WASL: variants seen among roughly 807,000 people sequenced by gnomAD.
WASL encodes the protein actin nucleation-promoting factor WASL.
In WASL, 20 loss-of-function variants were observed where a neutral mutation model predicts 55.5. The ratio of observed to expected loss-of-function variants is 0.36; its 90% CI spans 0.25 to 0.52. WASL has a LOEUF of 0.52. Among genes scored for constraint, WASL ranks in the 20% least tolerant of loss-of-function variants. The pLI is 0.92. For synonymous variants in WASL, 249 were observed against 217.6 expected (o/e 1.14, Z -1.27); for missense variants, 504 against 622.5 (o/e 0.81, Z 2.03).
intron 1 of WASL, among the ~76,000 whole-genome samples, chr7:123,724,354 CATA>C (rs1219780129): frequency 6.6e-6 from 1 of 152,172 alleles, no homozygotes; most frequent in South Asian, 2.1e-4. Flanking sequence ...TCTGCTGAAA[CATA>C]ATGTTGAAAA....
At chr7:123,715,274 G>A (rs751351505) in intron 1 of WASL, among the ~76,000 whole-genome samples, 20 of 152,158 alleles carry the variant, frequency 1.3e-4, no homozygotes, top group Non-Finnish European at 2.6e-4. Context: ...CTTGTAGCTT[G>A]CCCTTTTGGA....
intron 5 of WASL, 148 bp downstream of exon 5, chr7:123,704,486 A>G: frequency 1.8e-6 from 1 of 561,542 alleles, no homozygotes; most frequent in African/African-American, 2.0e-5. Context: ...CATAGATACT[A>G]AACATTACTT....
At chr7:123,740,222 T>A (rs987535844) in intron 1 of WASL, among the ~76,000 whole-genome samples, 1 of 151,356 alleles carries the variant, frequency 6.6e-6, no homozygotes, top group Admixed American at 6.6e-5. Flanking sequence ...TTATCTTTTA[T>A]ATATATATCT....
intron 1 of WASL, among the ~76,000 whole-genome samples, chr7:123,716,714 T>C (rs1302984883): frequency 6.6e-6 from 1 of 152,038 alleles, no homozygotes; most frequent in Non-Finnish European, 1.5e-5. Context: ...ATTTTTGTTT[T>C]TTAACTTTGC....
chr7:123,700,044 C>T (rs768088244), intron 5 of WASL, among the ~76,000 whole-genome samples: 33 of 151,498 alleles, frequency 2.2e-4, no homozygotes, highest in Admixed American at 4.6e-4. Context: ...GGCATGGTGG[C>T]GCGCGCCTGT....
intron 8 of WASL, among the ~76,000 whole-genome samples, chr7:123,694,368 A>C (rs574171305): frequency 2.6e-4 from 40 of 152,282 alleles, no homozygotes; most frequent in African/African-American, 9.1e-4. Context: ...ACTAATTAGA[A>C]AGTGATTATA....
chr7:123,740,564 CATCATTTTGTTCAAT>C (rs1387031783), intron 1 of WASL, among the ~76,000 whole-genome samples: 2 of 152,052 alleles, frequency 1.3e-5, no homozygotes, highest in African/African-American at 4.8e-5. Flanking sequence ...TTTTGTTCAA[CATCATTTTGTTCAAT>C]GTCCTTTCAT....
At chr7:123,687,377 G>GTA (rs1803310362) in intron 10 of WASL, among the ~76,000 whole-genome samples, 1 of 152,042 alleles carries the variant, frequency 6.6e-6, no homozygotes, top group African/African-American at 2.4e-5. Context: ...ACTACTTCTT[G>GTA]TATTTCATTC....
At chr7:123,739,049 C>T (rs770408538) in intron 1 of WASL, among the ~76,000 whole-genome samples, 3 of 152,176 alleles carry the variant, frequency 2.0e-5, no homozygotes, top group Admixed American at 6.5e-5. Flanking sequence ...ATGTGCTGAA[C>T]TAATAAATAA....
rs1803734589 is a variant in WASL, at chr7:123,710,297, A to G, written c.118-1074T>C. On this transcript the variant is annotated intron_variant, in intron 1 of 10. Coordinates refer to ENST00000223023, the MANE Select transcript of WASL (RefSeq NM_003941.4). ...ATTTTAATATAAATATAAAAATAAA[A>G]TATTTCATATAAATATATATTTTTT... Among the ~76,000 whole-genome samples, 2 of 150,618 alleles carry G rather than the reference A, an allele frequency of 1.3e-5. 1 individual carries two copies. Among genetic ancestry groups the G allele is most frequent in the Admixed American group, 1.3e-4 (2 of 15,086 alleles).
intron 9 of WASL, among the ~76,000 whole-genome samples, chr7:123,692,146 C>T (rs1236006511): frequency 4.6e-5 from 7 of 152,098 alleles, no homozygotes; most frequent in African/African-American, 1.7e-4. Flanking sequence ...ATATGGGTTA[C>T]ATGGCTATAG....
Position 123,709,528 on chromosome 7 carries a change from TATG to T in WASL, c.118-308_118-306del, listed in dbSNP as rs141390571. 2.5e-3 allele frequency among the ~76,000 whole-genome samples: 377 copies of T among 152,330 alleles called. 3 individuals carry two copies. The highest frequency in any genetic ancestry group is 8.4e-3 in the African/African-American group (350 of 41,588). On this transcript the variant is annotated intron_variant, in intron 1 of 10. Coordinates refer to ENST00000223023, the MANE Select transcript of WASL (RefSeq NM_003941.4). ...TAAATATAGCCTCATTTGTTATTAC[TATG>T]ATAACTTCATTTTTTACTTGAGAAA...
chr7:123,732,376 C>T (rs922923301), intron 1 of WASL, among the ~76,000 whole-genome samples: 1 of 151,918 alleles, frequency 6.6e-6, no homozygotes, highest in Admixed American at 6.6e-5. Flanking sequence ...AGAGGTCTAT[C>T]ACTATTGATC....
intron 5 of WASL, among the ~76,000 whole-genome samples, chr7:123,697,648 C>T (rs1347619908): frequency 1.3e-5 from 2 of 152,200 alleles, no homozygotes; most frequent in African/African-American, 4.8e-5. Context: ...ACTTCCAAAA[C>T]ATATGAAATA....
intron 1 of WASL, among the ~76,000 whole-genome samples, chr7:123,712,972 G>A (rs1454306523): frequency 6.6e-6 from 1 of 152,060 alleles, no homozygotes; most frequent in Non-Finnish European, 1.5e-5. Flanking sequence ...TACAGAAACA[G>A]CTAGACCACA....
chr7:123,700,631 G>C (rs559374870), intron 5 of WASL, among the ~76,000 whole-genome samples: 1 of 152,158 alleles, frequency 6.6e-6, no homozygotes, highest in African/African-American at 2.4e-5. Context: ...GTAGAGATGG[G>C]GTTTCATCGT....
At chr7:123,735,162 A>T (rs191313376) in intron 1 of WASL, among the ~76,000 whole-genome samples, 15 of 151,828 alleles carry the variant, frequency 9.9e-5, no homozygotes, top group African/African-American at 2.7e-4. Context: ...AATGGGAATT[A>T]AAAAAAACTA....
chr7:123,719,996 G>T (rs924645015), intron 1 of WASL, among the ~76,000 whole-genome samples: 1 of 152,068 alleles, frequency 6.6e-6, no homozygotes, highest in Admixed American at 6.5e-5. Flanking sequence ...TGTTCACTTA[G>T]GTCTTCTCAG....
At chr7:123,705,322 A>T (rs1803652402) in intron 4 of WASL, among the ~76,000 whole-genome samples, 1 of 152,194 alleles carries the variant, frequency 6.6e-6, no homozygotes, top group African/African-American at 2.4e-5. Context: ...GAAACAAGGA[A>T]GATTAGTAGA....
Sources: gnomAD v4.1 joint callset for allele counts (sites outside exome capture counted in the v4.1 genomes callset) on GRCh38, gnomAD v4.1.1 for gene constraint, MANE v1.5 for transcripts, NCBI Gene and HGNC (gene_info 2026-07-23, HGNC 2026-07-21) for gene names.